The following PLEKHA8 variants were observed in gnomAD, a reference collection of about 807,000 sequenced individuals.
PLEKHA8 encodes pleckstrin homology domain-containing family A member 8.
PLEKHA8 carries 36 observed loss-of-function variants against 68.2 expected under a neutral mutation model. The ratio of observed to expected loss-of-function variants is 0.53; its 90% CI spans 0.40 to 0.70. The LOEUF (loss-of-function observed/expected upper bound fraction) is 0.70, where lower values mean the gene tolerates loss of function less well. Ranked by LOEUF, PLEKHA8 falls within the 30% of genes least tolerant of loss-of-function variation. PLEKHA8 has a pLI of 0.00. For missense variants in PLEKHA8, 505 were observed against 615.4 expected, an observed-to-expected ratio of 0.82 and a Z score of 1.90; for synonymous variants, 211 against 216.1, an observed-to-expected ratio of 0.98 and a Z score of 0.20.
intron 1 of PLEKHA8, among the ~76,000 whole-genome samples, chr7:30,044,429 C>T (rs1246302100): frequency 1.3e-5 from 2 of 152,228 alleles, no homozygotes; most frequent in South Asian, 2.1e-4. Flanking sequence ...ATTTCTACTA[C>T]ACATGGTTTG....
At chr7:30,030,550 T>C (rs1324275131) in intron 1 of PLEKHA8, among the ~76,000 whole-genome samples, 1 of 152,246 alleles carries the variant, frequency 6.6e-6, no homozygotes, top group Non-Finnish European at 1.5e-5. Context: ...TGAGTGGTGC[T>C]AGGGTGGAAA....
chr7:30,115,597 TATAC>T (rs1203482721), intron 13 of PLEKHA8, among the ~76,000 whole-genome samples: 18 of 150,336 alleles, frequency 1.2e-4, no homozygotes, highest in Non-Finnish European at 1.8e-4. Context: ...TGTAGACATG[TATAC>T]ATACATTTAT....
Position 30,079,930 on chromosome 7 carries a change from T to TATTTAA in PLEKHA8, c.*1146_*1151dup. The TATTTAA allele has an allele frequency of 1.0e-6, 1 of 984,162 alleles. No homozygotes were observed. Among genetic ancestry groups the TATTTAA allele is most frequent in the African/African-American group, 1.7e-5 (1 of 57,294 alleles). The allele number at this position is 984,162 out of a possible 1,614,324, so 61.0% of individuals were successfully genotyped here. A position where few individuals can be genotyped will look rare whatever the true frequency, so the allele number is the denominator to read the frequency against. On this transcript the variant is annotated 3_prime_UTR_variant, in exon 14 of 14. Coordinates refer to ENST00000449726, the MANE Select transcript of PLEKHA8 (RefSeq NM_001197026.2). ...TTTTTTTCAAAGAGGATAAGGCTGC[T>TATTTAA]ATTTAAATAAAATAGCTAAATGGAG... is the stretch of plus-strand genomic sequence containing the variant.
rs1189071813 is a variant in PLEKHA8, at chr7:30,054,793, GTTGCTCTCCGGAATGCCT to G, written c.882_899del (p.Cys295_Leu300del). 8 of 1,611,890 alleles carry G rather than the reference GTTGCTCTCCGGAATGCCT, an allele frequency of 5.0e-6. No homozygotes were observed. The highest frequency in any genetic ancestry group is 5.9e-6 in the Non-Finnish European group (7 of 1,178,560). ...TTGACTCAGTCTGGATCAGACTCAA[GTTGCTCTCCGGAATGCCT>G]CTGGGAGGAAGGCAAAGAAGTTATC... is the stretch of plus-strand genomic sequence containing the variant. On this transcript the variant is annotated inframe_deletion, in exon 8 of 14. Coordinates refer to ENST00000449726, the MANE Select transcript of PLEKHA8 (RefSeq NM_001197026.2).
Position 30,045,216 on chromosome 7 carries a change from A to G in PLEKHA8, c.157+15A>G. 6.4e-7 allele frequency: 1 copy of G among 1,555,622 alleles called. No homozygotes were observed. Among genetic ancestry groups the G allele is most frequent in the Non-Finnish European group, 8.8e-7 (1 of 1,140,280 alleles). ...TGAAATTCAAGGTGAGAAATCAAGC[A>G]ACTTGCAAGTTTTATTTTTCTTTCT... is the stretch of plus-strand genomic sequence containing the variant. On this transcript the variant is annotated intron_variant, in intron 2 of 13. Transcript: ENST00000449726.
chr7:30,113,901 CTTTTT>C (rs748202008), intron 13 of PLEKHA8, among the ~76,000 whole-genome samples: 2 of 139,818 alleles, frequency 1.4e-5, no homozygotes, highest in Admixed American at 7.2e-5. Context: ...CAAAATATTA[CTTTTT>C]TTTTTTTTTT....
chr7:30,108,083 A>AAAAAACAAAAAAAC (rs1796136506), intron 13 of PLEKHA8, among the ~76,000 whole-genome samples: 2 of 144,460 alleles, frequency 1.4e-5, no homozygotes, highest in Non-Finnish European at 3.1e-5. Flanking sequence ...AAAAAAAAAA[A>AAAAAACAAAAAAAC]AAAAAAAAAC....
rs150673892 is a variant in PLEKHA8, at chr7:30,082,580, C to T, written c.*3793C>T. On this transcript the variant is annotated 3_prime_UTR_variant, in exon 14 of 14. Transcript: ENST00000449726. ...GCAGCGGAAAAAAATTTGCACTCTT[C>T]TCCTTTTGGTTATTACTTTCCAAAT... is the stretch of plus-strand genomic sequence containing the variant. 931 of 985,294 alleles carry T rather than the reference C, an allele frequency of 9.4e-4. 10 individuals are homozygous for T. In the African/African-American group the frequency reaches 0.015, roughly 16 times the overall value. The allele number at this position is 985,294 out of a possible 1,614,324, so 61.0% of individuals were successfully genotyped here.
chr7:30,121,542 T>C (rs755636529), intron 13 of PLEKHA8, among the ~76,000 whole-genome samples: 3 of 151,882 alleles, frequency 2.0e-5, no homozygotes, highest in Non-Finnish European at 4.4e-5. Context: ...GGCAGGAGAA[T>C]CGCTTGAACC....
intron 13 of PLEKHA8, among the ~76,000 whole-genome samples, chr7:30,101,045 C>G (rs1338389300): frequency 6.6e-6 from 1 of 151,968 alleles, no homozygotes; most frequent in Non-Finnish European, 1.5e-5. Context: ...CAAAAATTAG[C>G]TGGGTGTGGT....
Position 30,081,215 on chromosome 7 carries a change from T to C in PLEKHA8, c.*2428T>C, listed in dbSNP as rs1314795173. The C allele has an allele frequency of 6.1e-6, 6 of 985,270 alleles. No homozygotes were observed. Among genetic ancestry groups the C allele is most frequent in the Non-Finnish European group, 7.2e-6 (6 of 829,884 alleles). The allele number at this position is 985,270 out of a possible 1,614,324, so 61.0% of individuals were successfully genotyped here. On this transcript the variant is annotated 3_prime_UTR_variant, in exon 14 of 14. Transcript: ENST00000449726. ...AGCTTGAATAAGTTACATTTTCCAA[T>C]TACCCTTTTTCCACATCTGTAGAAA...
At chr7:30,117,799 T>C (rs559094230) in intron 13 of PLEKHA8, among the ~76,000 whole-genome samples, 5 of 152,156 alleles carry the variant, frequency 3.3e-5, no homozygotes, top group Non-Finnish European at 7.4e-5. Context: ...AAAAGTTTAG[T>C]GTGCACACTA....
chr7:30,066,169 C>T (rs776385042), intron 12 of PLEKHA8, among the ~76,000 whole-genome samples: 4 of 152,150 alleles, frequency 2.6e-5, no homozygotes, highest in African/African-American at 9.7e-5. Flanking sequence ...GTTTATTTTC[C>T]TCCTTTTCAT....
Position 30,053,704 on chromosome 7 carries a change from A to C in PLEKHA8, c.796+838A>C, listed in dbSNP as rs192500018. 3.6e-4 allele frequency among the ~76,000 whole-genome samples: 55 copies of C among 152,314 alleles called. 1 individual carries two copies. Among genetic ancestry groups the C allele is most frequent in the Middle Eastern group, 3.4e-3 (1 of 294 alleles). ...TGTTCTTCAGTGAATAGTTAGATTT[A>C]AGGAGAAAGACCTATTGATAGGGAT... On this transcript the variant is annotated intron_variant, in intron 7 of 13. Transcript: ENST00000449726.
intron 5 of PLEKHA8, 36 bp from the exon 6 acceptor site, chr7:30,050,398 A>C: frequency 6.4e-7 from 1 of 1,551,324 alleles, no homozygotes; most frequent in Non-Finnish European, 8.7e-7. Context: ...TTCAAAGTTT[A>C]ACATGTGAAC....
intron 12 of PLEKHA8, among the ~76,000 whole-genome samples, chr7:30,073,134 A>G (rs1034104096): frequency 6.6e-6 from 1 of 152,242 alleles, no homozygotes; most frequent in Non-Finnish European, 1.5e-5. Flanking sequence ...GACAAAAATT[A>G]TAGATTAAAG....
At chr7:30,074,516 G>A (rs553368841) in intron 13 of PLEKHA8, among the ~76,000 whole-genome samples, 1 of 152,258 alleles carries the variant, frequency 6.6e-6, no homozygotes, top group Admixed American at 6.5e-5. Flanking sequence ...TTTCTGATAA[G>A]GTAGTAAAAA....
rs527519274 is a variant in PLEKHA8, at chr7:30,124,480, C to T, written c.1363-4786C>T. Among the ~76,000 whole-genome samples, 4 of 152,246 alleles carry T rather than the reference C, an allele frequency of 2.6e-5. 1 individual carries two copies. Among genetic ancestry groups the T allele is most frequent in the Admixed American group, 1.3e-4 (2 of 15,290 alleles). On this transcript the variant is annotated intron_variant, in intron 13 of 13. Transcript: ENST00000396257. ...TTGGAAAGTGTGTTTTATTTGCCTT[C>T]GTTTATAACACTTGAGTCAGAAAAG...
In PLEKHA8 at chr7:30,082,747, G is replaced by C. The variant is rs1002751908; in HGVS notation, c.*3960G>C. On this transcript the variant is annotated 3_prime_UTR_variant, in exon 14 of 14. Transcript: ENST00000449726. The stretch of plus-strand genomic sequence containing the variant: ...GAGGGAAAGAGGAGCCAAAGTAAGA[G>C]ATTTTTTTTTAAGGAAACTTAATCT... 5 of 984,960 alleles carry C rather than the reference G, an allele frequency of 5.1e-6. No homozygotes were observed. The highest frequency in any genetic ancestry group is 2.3e-4 in the East Asian group (2 of 8,818). 61.0% of individuals were successfully genotyped at this position (984,960 alleles called of 1,614,324 possible). A position where few individuals can be genotyped will look rare whatever the true frequency, so the allele number is the denominator to read the frequency against.
Sources: allele counts gnomAD v4.1 joint callset (sites outside exome capture counted in the v4.1 genomes callset), GRCh38; gene constraint gnomAD v4.1.1; transcripts MANE v1.5; gene names NCBI Gene and HGNC (gene_info 2026-07-23, HGNC 2026-07-21).